SUMF1: variants seen among roughly 807,000 people sequenced by gnomAD.
The protein encoded by SUMF1 is formylglycine-generating enzyme.
Under a neutral mutation model 47.6 loss-of-function variants are expected in SUMF1, and 48 were observed. The observed-to-expected ratio is 1.01, with a 90% CI of 0.80 to 1.28. The LOEUF is 1.28. Ranked by LOEUF, SUMF1 falls within the 50% of genes most tolerant of loss-of-function variation. The pLI, the probability that SUMF1 is intolerant of heterozygous loss-of-function variation, is 0.00. For missense variants in SUMF1, 571 were observed against 485.4 expected, an observed-to-expected ratio of 1.18 and a Z score of -1.66; for synonymous variants, 230 against 192.1, an observed-to-expected ratio of 1.20 and a Z score of -1.63.
chr3:4,334,103 G>C (rs1699100247), intron 8 of SUMF1, among the ~76,000 whole-genome samples: 1 of 151,508 alleles, frequency 6.6e-6, no homozygotes, highest in African/African-American at 2.4e-5. Flanking sequence ...ACTCTAACCT[G>C]GGCAACAAAG....
At chr3:4,316,583 G>T (rs1327366594) in intron 8 of SUMF1, 2 of 1,551,700 alleles carry the variant, frequency 1.3e-6, no homozygotes, top group Non-Finnish European at 1.7e-6. Context: ...CTCATGAGCT[G>T]ACTGAAAATC....
Position 4,174,692 on chromosome 3 carries a change from G to A in SUMF1, c.1015-105947C>T, listed in dbSNP as rs1170557301. Among the ~76,000 whole-genome samples the A allele has an allele frequency of 2.2e-4, 34 of 152,134 alleles. 2 individuals carry two copies. Among genetic ancestry groups the A allele is most frequent in the Admixed American group, 2.2e-3 (33 of 15,274 alleles). On this transcript the variant is annotated intron_variant and NMD_transcript_variant, in intron 8 of 12. Transcript: ENST00000448413. Reference sequence around the variant, plus strand: ...ATCTCATTGGGACTGGTTGGACAGTGGGTGCAGCCCATGGAGGGTGAGCCA... The same window carrying A: ...ATCTCATTGGGACTGGTTGGACAGTAGGTGCAGCCCATGGAGGGTGAGCCA...
intron 5 of SUMF1, 77 bp from the exon 6 acceptor site, chr3:4,417,319 G>T (rs2125032453): frequency 1.7e-6 from 2 of 1,163,676 alleles, no homozygotes; most frequent in East Asian, 4.7e-5. Context: ...GGGATGCAAT[G>T]AAAAAGAGAA....
intron 8 of SUMF1, among the ~76,000 whole-genome samples, chr3:4,309,638 C>T (rs1263771097): frequency 1.3e-5 from 2 of 152,188 alleles, no homozygotes; most frequent in Non-Finnish European, 2.9e-5. Flanking sequence ...CCTTCACACC[C>T]CTGCTTCCCA....
intron 8 of SUMF1, among the ~76,000 whole-genome samples, chr3:4,350,487 T>C (rs752404613): frequency 1.3e-5 from 2 of 152,100 alleles, no homozygotes; most frequent in African/African-American, 2.4e-5. Flanking sequence ...TTGATAGTAG[T>C]CACCTATTGG....
At chr3:4,418,339 C>G (rs1197707712) in intron 4 of SUMF1, among the ~76,000 whole-genome samples, 1 of 152,190 alleles carries the variant, frequency 6.6e-6, no homozygotes, top group Admixed American at 6.5e-5. Flanking sequence ...GGTTACAGTT[C>G]CACTGGGAAC....
intron 1 of SUMF1, among the ~76,000 whole-genome samples, chr3:4,466,120 T>TC (rs1246997367): frequency 6.6e-6 from 1 of 152,192 alleles, no homozygotes; most frequent in South Asian, 2.1e-4. Context: ...TTTCTTTCTT[T>TC]TTTTTTTTCG....
At chr3:4,322,921 A>G (rs1292981710) in intron 8 of SUMF1, among the ~76,000 whole-genome samples, 3 of 152,202 alleles carry the variant, frequency 2.0e-5, no homozygotes, top group Non-Finnish European at 2.9e-5. Flanking sequence ...CTGTCTTAAA[A>G]AAAAGTATGC....
chr3:4,238,132 G>A (rs1696451737), intron 8 of SUMF1, among the ~76,000 whole-genome samples: 1 of 152,090 alleles, frequency 6.6e-6, no homozygotes, highest in Admixed American at 6.5e-5. Context: ...TGGCTGCATA[G>A]TATTCCATGG....
intron 8 of SUMF1, among the ~76,000 whole-genome samples, chr3:4,250,929 T>C (rs1383115925): frequency 1.3e-5 from 2 of 152,186 alleles, no homozygotes; most frequent in Non-Finnish European, 2.9e-5. Context: ...TGAATGTTGT[T>C]TTCACACCTC....
chr3:4,082,756 T>C (rs1018621196), intron 8 of SUMF1, among the ~76,000 whole-genome samples: 5 of 152,240 alleles, frequency 3.3e-5, no homozygotes, highest in Middle Eastern at 3.4e-3. Context: ...GAAAGAGAGA[T>C]TACATCCTGT....
chr3:4,172,350 G>A (rs183559429), intron 8 of SUMF1, among the ~76,000 whole-genome samples: 11 of 152,192 alleles, frequency 7.2e-5, no homozygotes, highest in African/African-American at 2.2e-4. Context: ...TTTTAGACAC[G>A]TTGAGTTTTT....
intron 1 of SUMF1, among the ~76,000 whole-genome samples, chr3:4,456,689 T>TAC (rs1267732977): frequency 2.9e-5 from 4 of 138,598 alleles, no homozygotes; most frequent in Admixed American, 7.4e-5. Context: ...TATATATATG[T>TAC]GTGTATATAT....
At chr3:4,221,414 GGT>G (rs113359661) in intron 8 of SUMF1, among the ~76,000 whole-genome samples, 12,820 of 148,014 alleles carry the variant, frequency 0.087, 652 homozygotes, top group African/African-American at 0.14. Flanking sequence ...GGTTTTTTGG[GGT>G]GTGTGTGTGT....
chr3:4,211,203 C>CTATATATATATATATAT (rs1695783771), intron 8 of SUMF1, among the ~76,000 whole-genome samples: 3 of 98,158 alleles, frequency 3.1e-5, no homozygotes, highest in Non-Finnish European at 6.1e-5. Context: ...TACATACATA[C>CTATATATATATATATAT]ATATATATAT....
At chr3:4,297,804 G>C (rs1251948008) in intron 8 of SUMF1, among the ~76,000 whole-genome samples, 1 of 152,032 alleles carries the variant, frequency 6.6e-6, no homozygotes, top group East Asian at 1.9e-4. Flanking sequence ...TGGCTACAAA[G>C]TACATCCCAG....
intron 8 of SUMF1, among the ~76,000 whole-genome samples, chr3:4,098,981 A>AT (rs1251040760): frequency 1.3e-5 from 2 of 152,058 alleles, no homozygotes; most frequent in Admixed American, 6.5e-5. Flanking sequence ...CAGAAAATAG[A>AT]TTTTCTTACC....
chr3:4,210,652 T>A (rs536359216), intron 8 of SUMF1, among the ~76,000 whole-genome samples: 1 of 152,232 alleles, frequency 6.6e-6, no homozygotes, highest in Admixed American at 6.5e-5. Context: ...TATATGTGCA[T>A]GTTTTTTACA....
chr3:4,236,051 C>G (rs568718101), intron 8 of SUMF1, among the ~76,000 whole-genome samples: 14 of 151,634 alleles, frequency 9.2e-5, no homozygotes, highest in African/African-American at 3.4e-4. Flanking sequence ...CAAGCCATTC[C>G]CCTACCTTAG....
Sources: allele counts gnomAD v4.1 joint callset (sites outside exome capture counted in the v4.1 genomes callset), GRCh38; gene constraint gnomAD v4.1.1; transcripts MANE v1.5; gene names NCBI Gene and HGNC (gene_info 2026-07-23, HGNC 2026-07-21).